Variants in AGAP3 observed in about 807,000 individuals in gnomAD.
The protein encoded by AGAP3 is arf-GAP with GTPase, ANK repeat and PH domain-containing protein 3.
AGAP3 carries 24 observed loss-of-function variants against 96.9 expected under a neutral mutation model. That is an observed-to-expected ratio of 0.25 (90% CI 0.18 to 0.35). AGAP3 has a LOEUF of 0.35. AGAP3 is among the 10% of genes least tolerant of loss of function. The probability of loss-of-function intolerance (pLI) is 1.00; values close to 1 mark genes in which losing one functional copy is unlikely to be tolerated. For missense variants in AGAP3, 876 were observed against 1,254.2 expected (o/e 0.70, Z 4.55); for synonymous variants, 563 against 536.1 (o/e 1.05, Z -0.69).
At chr7:151,131,363 G>T (rs1188701864) in intron 10 of AGAP3, 1 of 152,214 alleles carries the variant, frequency 6.6e-6, no homozygotes, top group African/African-American at 2.4e-5. Flanking sequence ...CTCTGAACTC[G>T]TTGTTAATTC....
At chr7:151,107,628 A>T (rs4725994) in intron 1 of AGAP3, among the ~76,000 whole-genome samples, 14,188 of 148,396 alleles carry the variant, frequency 0.096, 1,507 homozygotes, top group African/African-American at 0.26. Flanking sequence ...TCTCAAAAAA[A>T]TTTTTTTTTT....
At chr7:151,098,514 G>T (rs1220732363) in intron 1 of AGAP3, among the ~76,000 whole-genome samples, 2 of 152,076 alleles carry the variant, frequency 1.3e-5, no homozygotes, top group African/African-American at 4.8e-5. Context: ...TTAGCCAGGT[G>T]TGGTGGCGTG....
chr7:151,087,967 C>G lies in AGAP3; in HGVS notation c.331+895C>G, dbSNP rs549296313. On this transcript the variant is annotated intron_variant, in intron 1 of 17. Transcript: ENST00000397238. The stretch of plus-strand genomic sequence containing the variant: ...CGAGCGGGCACGGACAGATGGGCCT[C>G]ACCCTGGGCCATCTGCTTCCTCCCC... Among the ~76,000 whole-genome samples, 3 of 152,374 alleles carry G rather than the reference C, an allele frequency of 2.0e-5. No individual in the cohort carries two copies. The East Asian group carries it at 5.8e-4, about 29-fold the overall frequency.
At chr7:151,099,579 C>A (rs1031808274) in intron 1 of AGAP3, among the ~76,000 whole-genome samples, 1 of 152,192 alleles carries the variant, frequency 6.6e-6, no homozygotes, top group Non-Finnish European at 1.5e-5. Flanking sequence ...CGTGTTCCCA[C>A]CTTGGGTCCT....
At position 151,108,613 on chromosome 7, in the gene AGAP3, C is replaced by T. The variant is rs1036028502; in HGVS notation, c.332-8180C>T. On this transcript the variant is annotated intron_variant, in intron 1 of 17. Transcript: ENST00000397238. This position sits in a 1 kb window ranked among gnomAD's most constrained non-coding sequence, Gnocchi z 4.2. ...CAAGGATGTAGGCTGGGTCCTACGC[C>T]AGTCCAGACTGCCAGCCGCGTCACC... Among the ~76,000 whole-genome samples, 1 of 152,248 alleles carries T rather than the reference C, an allele frequency of 6.6e-6. No individual in the cohort carries two copies. Among genetic ancestry groups the T allele is most frequent in the East Asian group, 1.9e-4 (1 of 5,202 alleles).
upstream of AGAP3, among the ~76,000 whole-genome samples, chr7:151,086,351 C>A (rs1323857395): frequency 1.6e-5 from 2 of 121,380 alleles, no homozygotes; most frequent in African/African-American, 3.0e-5. Context: ...CCCGGGCCGG[C>A]GCGCAGGAGG....
chr7:151,134,715 C>A, intron 11 of AGAP3, 147 bp downstream of exon 11: 1 of 845,444 alleles, frequency 1.2e-6, no homozygotes, highest in Non-Finnish European at 1.8e-6. Context: ...AAGACATGTG[C>A]CCTAACGCAG....
rs1347747225 is a variant in AGAP3, at chr7:151,142,918, G to A, written c.2273+284G>A. Among the ~76,000 whole-genome samples, 1 of 152,224 alleles carries A rather than the reference G, an allele frequency of 6.6e-6. No homozygotes were observed. The highest frequency in any genetic ancestry group is 1.5e-5 in the Non-Finnish European group (1 of 68,040). On this transcript the variant is annotated intron_variant, in intron 16 of 17. Transcript: ENST00000397238. The surrounding 1 kb of genome is among the most constrained non-coding windows in gnomAD (Gnocchi z 7.5). ...TGTGGTGCAGAGCGCCCACTCCGGA[G>A]CTCTGAGATGGGGAGAATGGGTGAG...
intron 1 of AGAP3, among the ~76,000 whole-genome samples, chr7:151,094,420 A>C (rs763174576): frequency 6.6e-6 from 1 of 151,750 alleles, no homozygotes; most frequent in Non-Finnish European, 1.5e-5. Context: ...TCAGGCATAG[A>C]GACAGCCTGG....
At position 151,120,087 on chromosome 7, in the gene AGAP3, C is replaced by T. The variant is rs1356539334; in HGVS notation, c.1070C>T (p.Ala357Val). Residue 357 changes from alanine to valine, a missense_variant, in exon 8 of 18, where the codon GCC (alanine) becomes GTC (valine). Around this residue, in one of 8 missense-constraint regions of AGAP3, gnomAD observed 100 missense variants for 129.4 expected, o/e 0.77. Coordinates refer to ENST00000397238, the MANE Select transcript of AGAP3 (RefSeq NM_031946.7). The part of the protein sequence containing the change: ...QRELRIETIA[A>V]SSTPTPIRKQ... ...GAGCTGCGCATCGAGACCATCGCTGCCTCCTCCACCCCCACACCCATCCGA... is the reference window on the plus strand; with the variant it reads ...GAGCTGCGCATCGAGACCATCGCTGTCTCCTCCACCCCCACACCCATCCGA... 6.2e-7 allele frequency: 1 copy of T among 1,613,898 alleles called. No individual in the cohort carries two copies. Among genetic ancestry groups the T allele is most frequent in the Admixed American group, 1.7e-5 (1 of 59,996 alleles).
rs900730347 is a variant in AGAP3, at chr7:151,115,257, A to G, written c.332-1536A>G. The G allele has an allele frequency of 6.1e-5, 61 of 1,002,302 alleles. No homozygotes were observed. In the African/African-American group the frequency reaches 9.5e-4, roughly 16 times the overall value. 62.1% of individuals were successfully genotyped at this position (1,002,302 alleles called of 1,614,324 possible). A position where few individuals can be genotyped will look rare whatever the true frequency, so the allele number is the denominator to read the frequency against. ...CTTCCTGCGCGGCGCGGCGTTGTGGAGCAGCCAGCGCTGGCCAGTGCTGCG... is the reference window on the plus strand; with the variant it reads ...CTTCCTGCGCGGCGCGGCGTTGTGGGGCAGCCAGCGCTGGCCAGTGCTGCG... On this transcript the variant is annotated intron_variant, in intron 1 of 17. Transcript: ENST00000397238.
At chr7:151,130,537 A>G (rs1800361929) in intron 10 of AGAP3, among the ~76,000 whole-genome samples, 1 of 151,910 alleles carries the variant, frequency 6.6e-6, no homozygotes, top group Admixed American at 6.6e-5. Flanking sequence ...TTGTCAAGTA[A>G]GGAGGGAGTT....
At chr7:151,095,966 T>C (rs1798590068) in intron 1 of AGAP3, among the ~76,000 whole-genome samples, 1 of 152,160 alleles carries the variant, frequency 6.6e-6, no homozygotes, top group Non-Finnish European at 1.5e-5. Flanking sequence ...CTGCCTAGAT[T>C]TGAGTCCCAG....
In AGAP3 at chr7:151,118,657, C is replaced by T. The variant is rs1434959361; in HGVS notation, c.969+25C>T. ...GGTTCGGCCTGTGCCCCGCCCTGCC[C>T]TTCCTGTCCCCACCATGTCTGTCTT... On this transcript the variant is annotated intron_variant, in intron 7 of 17. Transcript: ENST00000397238. The surrounding 1 kb of genome is among the most constrained non-coding windows in gnomAD (Gnocchi z 6.1). 1.2e-6 allele frequency: 2 copies of T among 1,606,556 alleles called. No individual in the cohort carries two copies. The highest frequency in any genetic ancestry group is 1.1e-5 in the South Asian group (1 of 90,872).
Position 151,096,204 on chromosome 7 carries a change from T to G in AGAP3, c.331+9132T>G, listed in dbSNP as rs984106755. Among the ~76,000 whole-genome samples the G allele has an allele frequency of 1.3e-5, 2 of 152,072 alleles. No homozygotes were observed. The highest frequency in any genetic ancestry group is 2.9e-5 in the Non-Finnish European group (2 of 68,024). Reference sequence around the variant, plus strand: ...GGCTCAGCTGTCATCACCGCCTGCGTGGGGATGCGTGAGGTGAGGGCTGCA... The same window carrying G: ...GGCTCAGCTGTCATCACCGCCTGCGGGGGGATGCGTGAGGTGAGGGCTGCA... On this transcript the variant is annotated intron_variant, in intron 1 of 17. Transcript: ENST00000397238. This position sits in a 1 kb window ranked among gnomAD's most constrained non-coding sequence, Gnocchi z 4.4.
intron 10 of AGAP3, 44 bp downstream of exon 10, chr7:151,128,728 G>C: frequency 1.3e-6 from 2 of 1,509,642 alleles, no homozygotes; most frequent in Admixed American, 1.7e-5. Context: ...ATGGGGAGGG[G>C]GTGGAGGGAG....
chr7:151,140,260 C>A lies in AGAP3; in HGVS notation c.1804+144C>A. The A allele has an allele frequency of 1.0e-6, 1 of 991,286 alleles. No homozygotes were observed. Among genetic ancestry groups the A allele is most frequent in the Non-Finnish European group, 1.3e-6 (1 of 756,600 alleles). 61.4% of individuals were successfully genotyped at this position (991,286 alleles called of 1,614,324 possible). On this transcript the variant is annotated intron_variant, in intron 13 of 17. Transcript: ENST00000397238. This position sits in a 1 kb window ranked among gnomAD's most constrained non-coding sequence, Gnocchi z 5.4. ...GTAGTTGCTAATCAAAGTAGTTCTA[C>A]AGCTTCTTTTGGTAATCTAGACCTG...
chr7:151,117,996 T>C, intron 5 of AGAP3: 1 of 873,058 alleles, frequency 1.1e-6, no homozygotes, highest in Non-Finnish European at 1.7e-6. Flanking sequence ...TTTTTTTAGA[T>C]GAATAAACGT....
intron 2 of AGAP3, 45 bp downstream of exon 2, chr7:151,116,896 G>GT (rs760300161): frequency 2.5e-6 from 4 of 1,611,258 alleles, no homozygotes; most frequent in Non-Finnish European, 2.5e-6. Context: ...GAGCTGGGGG[G>GT]GCGAGGCTGG....
Sources: gnomAD v4.1 joint callset for allele counts (sites outside exome capture counted in the v4.1 genomes callset) on GRCh38, gnomAD v4.1.1 for gene constraint, gnomAD v4.1.1 regional missense constraint, Gnocchi (gnomAD v3.1) non-coding constraint, MANE v1.5 for transcripts, NCBI Gene and HGNC (gene_info 2026-07-23, HGNC 2026-07-21) for gene names.